SPTBN2: variants seen among roughly 807,000 people sequenced by gnomAD.
SPTBN2 encodes spectrin beta chain, non-erythrocytic 2.
Under a neutral mutation model 284.2 loss-of-function variants are expected in SPTBN2, and 107 were observed. The ratio of observed to expected loss-of-function variants is 0.38; its 90% confidence interval spans 0.32 to 0.44. The LOEUF (loss-of-function observed/expected upper bound fraction) is 0.44. Ranked by LOEUF, SPTBN2 falls within the 20% of genes least tolerant of loss-of-function variation. The probability of loss-of-function intolerance (pLI) is 1.00; values close to 1 mark genes in which losing one functional copy is unlikely to be tolerated. For missense variants in SPTBN2, 2,569 were observed against 3,287.1 expected, an observed-to-expected ratio of 0.78 and a Z score of 5.34; for synonymous variants, 1,289 against 1,354.8, an observed-to-expected ratio of 0.95 and a Z score of 1.07.
Position 66,737,815 on chromosome 11 carries a change from G to A in SPTBN2, c.-475+6727C>T, listed in dbSNP as rs569913769. Among the ~76,000 whole-genome samples the A allele has an allele frequency of 2.0e-4, 31 of 152,264 alleles. No individual in the cohort carries two copies. In the South Asian group the frequency reaches 5.4e-3, roughly 26 times the overall value. ...ATACCAGAAAGAGGTTGAGGAAGGA[G>A]GTAGAGAGAAGCTAATCAGGAGAAG... is the stretch of plus-strand genomic sequence containing the variant. On this transcript the variant is annotated intron_variant, in intron 1 of 37. Coordinates refer to the SPTBN2 transcript ENST00000611817.
At chr11:66,725,754 G>A (rs1942596526) in intron 1 of SPTBN2, among the ~76,000 whole-genome samples, 1 of 152,200 alleles carries the variant, frequency 6.6e-6, no homozygotes, top group Non-Finnish European at 1.5e-5. Context: ...GGGTCCTGCT[G>A]GAATGTACTC....
intron 8 of SPTBN2, among the ~76,000 whole-genome samples, chr11:66,712,546 C>CAA (rs529073727): frequency 2.5e-4 from 31 of 126,500 alleles, no homozygotes; most frequent in Middle Eastern, 4.0e-3. Flanking sequence ...GACTCCGTCT[C>CAA]AAAAAAAAAA....
chr11:66,692,487 T>C, intron 26 of SPTBN2, 49 bp downstream of exon 26: 1 of 1,594,736 alleles, frequency 6.3e-7, no homozygotes, highest in Non-Finnish European at 8.5e-7. Flanking sequence ...CTGTGGGTCC[T>C]CCACTCTTCC....
upstream of SPTBN2, among the ~76,000 whole-genome samples, chr11:66,732,937 G>A (rs1408295681): frequency 2.7e-5 from 4 of 149,320 alleles, no homozygotes; most frequent in Admixed American, 2.0e-4. Context: ...CTGCACTCCA[G>A]CCTGGGGGAC....
Position 66,700,019 on chromosome 11 carries a change from A to G in SPTBN2, c.3574-411T>C, listed in dbSNP as rs542702660. On this transcript the variant is annotated intron_variant, in intron 17 of 37. Coordinates refer to ENST00000533211, the MANE Select transcript of SPTBN2 (RefSeq NM_006946.4). The surrounding 1 kb of genome is among the most constrained non-coding windows in gnomAD (Gnocchi z 6.6). ...GTGGCCCAGGTTGGAGTGCAGTGGCATATCATAGCTCACTGCAGCCTCAAA... is the reference window on the plus strand; with the variant it reads ...GTGGCCCAGGTTGGAGTGCAGTGGCGTATCATAGCTCACTGCAGCCTCAAA... Among the ~76,000 whole-genome samples the G allele has an allele frequency of 1.3e-5, 2 of 151,054 alleles. No individual in the cohort carries two copies. Among genetic ancestry groups the G allele is most frequent in the South Asian group, 4.2e-4 (2 of 4,764 alleles).
In SPTBN2 at chr11:66,704,979, G is replaced by T; in HGVS notation, c.2297C>A (p.Ala766Glu). The T allele has an allele frequency of 1.2e-6, 2 of 1,607,640 alleles. No individual in the cohort carries two copies. ...CTCGGGGCTGGACACCAGGCGCAGT[G>T]CGTCAACCAACCAGGCCTCCATGTC... is the stretch of plus-strand genomic sequence containing the variant. Reference protein sequence around the residue: ...ANDMEAWLVDALRLVSSPELG... With the variant: ...ANDMEAWLVDELRLVSSPELG... Residue 766 changes from alanine to glutamate, a missense_variant, in exon 15 of 38, where the codon GCA becomes GAA. By Grantham distance (107) the Ala-to-Glu change is moderately radical (BLOSUM62 -1). Around this residue, in one of 6 missense-constraint regions of SPTBN2, gnomAD observed 1,012 missense variants for 1,248.9 expected, o/e 0.81. Coordinates refer to ENST00000533211, the MANE Select transcript of SPTBN2 (RefSeq NM_006946.4).
intron 29 of SPTBN2, 22 bp downstream of exon 29, chr11:66,689,783 C>G: frequency 6.2e-7 from 1 of 1,612,118 alleles, no homozygotes; most frequent in Non-Finnish European, 8.5e-7. Flanking sequence ...GAGAATGGCC[C>G]GGCCACCCAG....
intron 1 of SPTBN2, among the ~76,000 whole-genome samples, chr11:66,744,238 T>TA (rs1487839111): frequency 2.6e-5 from 4 of 152,152 alleles, no homozygotes; most frequent in Admixed American, 6.5e-5. Context: ...TGTATGGTTA[T>TA]AAAAAAAATT....
Position 66,705,800 on chromosome 11 carries a change from G to C in SPTBN2, c.1691C>G (p.Ala564Gly). 1 of 1,612,386 alleles carries C rather than the reference G, an allele frequency of 6.2e-7. No individual in the cohort carries two copies. The highest frequency in any genetic ancestry group is 8.5e-7 in the Non-Finnish European group (1 of 1,179,816). The change falls in exon 14 of 38, where the codon GCA (alanine) becomes GGA (glycine). Residue 564 changes from alanine to glycine, a missense_variant. By Grantham distance (60) the Ala-to-Gly change is moderately conservative (BLOSUM62 0). Coordinates refer to ENST00000533211, the MANE Select transcript of SPTBN2 (RefSeq NM_006946.4). ...CAGCTGCAGCAGGTCCTCCACTCCT[G>C]CTAGGTGCCTGCCCAGGTCCTGAGA... ...LQSQDLGRHL[A>G]GVEDLLQLHE...
intron 1 of SPTBN2, among the ~76,000 whole-genome samples, chr11:66,726,347 AC>A (rs941868692): frequency 7.2e-5 from 11 of 151,916 alleles, no homozygotes; most frequent in Non-Finnish European, 1.2e-4. Context: ...ATCACAGGTC[AC>A]CCCCCCATCC....
chr11:66,722,211 G>A (rs545380042), intron 1 of SPTBN2, among the ~76,000 whole-genome samples: 47 of 152,184 alleles, frequency 3.1e-4, no homozygotes, highest in African/African-American at 9.9e-4. Context: ...CATGCATCAC[G>A]TCACCATAAC....
At chr11:66,720,429 C>A (rs969748791) in intron 3 of SPTBN2, among the ~76,000 whole-genome samples, 1 of 152,152 alleles carries the variant, frequency 6.6e-6, no homozygotes, top group Non-Finnish European at 1.5e-5. Context: ...CATGACAACT[C>A]CTCCCCCGGA....
chr11:66,714,258 C>G, intron 6 of SPTBN2, 58 bp downstream of exon 6: 1 of 1,606,602 alleles, frequency 6.2e-7, no homozygotes, highest in Non-Finnish European at 8.5e-7. Flanking sequence ...GTTCCTGGAG[C>G]CCAGCACAGC....
chr11:66,711,173 C>G, intron 8 of SPTBN2, 144 bp from the exon 9 acceptor site: 2 of 728,944 alleles, frequency 2.7e-6, no homozygotes, highest in Non-Finnish European at 4.9e-6. Context: ...CTTACCCATT[C>G]AAATGAAAAG....
chr11:66,712,677 A>G (rs1941930764), intron 8 of SPTBN2: 1 of 152,212 alleles, frequency 6.6e-6, no homozygotes, highest in African/African-American at 2.4e-5. Context: ...GTGGAAGGTC[A>G]TGCAGCTTAA....
chr11:66,691,185 A>G lies in SPTBN2; in HGVS notation c.5565+99T>C. 7.0e-7 allele frequency: 1 copy of G among 1,437,308 alleles called. No homozygotes were observed. The highest frequency in any genetic ancestry group is 2.3e-4 in the Middle Eastern group (1 of 4,292). 89.0% of individuals were successfully genotyped at this position (1,437,308 alleles called of 1,614,324 possible). On this transcript the variant is annotated intron_variant, in intron 27 of 37. Coordinates refer to ENST00000533211, the MANE Select transcript of SPTBN2 (RefSeq NM_006946.4). This position sits in a 1 kb window ranked among gnomAD's most constrained non-coding sequence, Gnocchi z 8.0. ...GCCCTCGAAAGAGTGCCGTCCTCCC[A>G]GCATTTCTGAGCTCTACCCTAGCTC...
Position 66,714,416 on chromosome 11 carries a change from GA to G in SPTBN2, c.484-10del. 6.2e-7 allele frequency: 1 copy of G among 1,612,376 alleles called. No homozygotes were observed. The highest frequency in any genetic ancestry group is 1.3e-5 in the African/African-American group (1 of 75,020). ...ACACTGATGTCTTGGATCTAGGAAG[GA>G]AGCAAGCAGGGCCCTCAGTCCCTGG... On this transcript the variant is annotated splice_polypyrimidine_tract_variant and intron_variant, in intron 5 of 37. Coordinates refer to ENST00000533211, the MANE Select transcript of SPTBN2 (RefSeq NM_006946.4).
In SPTBN2 at chr11:66,708,772, G is replaced by A. The variant is rs568432587; in HGVS notation, c.1191+130C>T. 4 of 747,700 alleles carry A rather than the reference G, an allele frequency of 5.3e-6. No individual in the cohort carries two copies. Among genetic ancestry groups the A allele is most frequent in the East Asian group, 2.5e-5 (1 of 39,278 alleles). The allele number at this position is 747,700 out of a possible 1,614,324, so 46.3% of individuals were successfully genotyped here. A position where few individuals can be genotyped will look rare whatever the true frequency, so the allele number is the denominator to read the frequency against. On this transcript the variant is annotated intron_variant, in intron 11 of 37. Transcript: ENST00000533211. The surrounding 1 kb of genome is among the most constrained non-coding windows in gnomAD (Gnocchi z 4.4). ...GTGTGGGCAGCTGGGCAGAGTGCTC[G>A]AGTTTCAAGTTGGGGCAGCAGATAG...
intron 15 of SPTBN2, among the ~76,000 whole-genome samples, chr11:66,703,736 C>T (rs1312572834): frequency 7.1e-6 from 1 of 140,676 alleles, no homozygotes; most frequent in African/African-American, 2.6e-5. Context: ...GACTCCATCT[C>T]AAAAAAAAAA....
Sources: allele counts gnomAD v4.1 joint callset (sites outside exome capture counted in the v4.1 genomes callset), GRCh38; gene constraint gnomAD v4.1.1; regional missense constraint gnomAD v4.1.1; non-coding constraint Gnocchi (gnomAD v3.1); transcripts MANE v1.5; gene names NCBI Gene and HGNC (gene_info 2026-07-23, HGNC 2026-07-21).